POR: variants seen among roughly 807,000 people sequenced by gnomAD.
POR encodes NADPH--cytochrome P450 reductase.
Under a neutral mutation model 84.0 loss-of-function variants are expected in POR, and 56 were observed. That is an observed-to-expected ratio of 0.67 (90% CI 0.54 to 0.83). The LOEUF (loss-of-function observed/expected upper bound fraction) is 0.83, where lower values mean the gene tolerates loss of function less well. Ranked by LOEUF, POR falls within the 40% of genes least tolerant of loss-of-function variation. The probability of loss-of-function intolerance (pLI) is 0.00; values close to 1 mark genes in which losing one functional copy is unlikely to be tolerated. For synonymous variants in POR, 414 were observed against 400.5 expected, an observed-to-expected ratio of 1.03 and a Z score of -0.40; for missense variants, 938 against 944.3, an observed-to-expected ratio of 0.99 and a Z score of 0.09.
rs782248163 is a variant in POR, at chr7:75,985,766, C to A, written c.1586C>A (p.Thr529Lys). 2.2e-5 allele frequency: 34 copies of A among 1,578,936 alleles called. No individual in the cohort carries two copies. Among genetic ancestry groups the A allele is most frequent in the Non-Finnish European group, 2.7e-5 (32 of 1,163,656 alleles). ...TTCCGCCTGCCCTTCAAGGCCACCA[C>A]GCCTGTCATCATGGTGGGCCCCGGC... Residue 529 changes from threonine (T) to lysine (K), a missense_variant, in exon 13 of 16, where the codon ACG becomes AAG. Thr to Lys is a moderately conservative substitution (Grantham distance 78, BLOSUM62 -1). Transcript: ENST00000461988.
At chr7:75,958,090 A>G (rs782323316) in intron 2 of POR, among the ~76,000 whole-genome samples, 2 of 152,136 alleles carry the variant, frequency 1.3e-5, no homozygotes, top group African/African-American at 2.4e-5. Context: ...GGTGCATAGT[A>G]GGCTCTCAGG....
At position 75,979,558 on chromosome 7, in the gene POR, G is replaced by C; in HGVS notation, c.345G>C (p.Ala115=). The C allele has an allele frequency of 6.2e-7, 1 of 1,613,514 alleles. No homozygotes were observed. The highest frequency in any genetic ancestry group is 8.5e-7 in the Non-Finnish European group (1 of 1,179,830). The change falls in exon 4 of 16, where the codon GCG becomes GCC. Residue 115 remains alanine (A), a synonymous_variant. Coordinates refer to ENST00000461988, the MANE Select transcript of POR (RefSeq NM_000941.3). ...GCTACGGGATGCGAGGCATGTCAGC[G>C]GACCCTGAGGAGTATGACCTGGTAA...
At chr7:75,983,439 G>A (rs1789181761) in intron 8 of POR, 81 bp from the exon 9 acceptor site, 2 of 977,972 alleles carry the variant, frequency 2.0e-6, no homozygotes, top group African/African-American at 1.7e-5. Flanking sequence ...CCTGTGCTTT[G>A]TGCAACCAGA....
At position 75,975,461 on chromosome 7, in the gene POR, G is replaced by A. The variant is rs192663755; in HGVS notation, c.237+3000G>A. Among the ~76,000 whole-genome samples, 433 of 152,154 alleles carry A rather than the reference G, an allele frequency of 2.8e-3. 4 individuals are homozygous for A. Among genetic ancestry groups the A allele is most frequent in the African/African-American group, 9.8e-3 (408 of 41,492 alleles). On this transcript the variant is annotated intron_variant, in intron 3 of 15. Coordinates refer to ENST00000461988, the MANE Select transcript of POR (RefSeq NM_000941.3). Reference sequence around the variant, plus strand: ...TTGAGACCAGCCTGGGCAACATGGCGAAACCCCATCTCCACAAAAAATAGA... The same window carrying A: ...TTGAGACCAGCCTGGGCAACATGGCAAAACCCCATCTCCACAAAAAATAGA...
chr7:75,951,722 G>T (rs1488061061), intron 1 of POR, among the ~76,000 whole-genome samples: 1 of 152,218 alleles, frequency 6.6e-6, no homozygotes, highest in Non-Finnish European at 1.5e-5. Context: ...AACCCAGTCG[G>T]TCATATCCAT....
At chr7:75,982,027 A>G (rs1255969887) in intron 7 of POR, 197 bp from the exon 8 acceptor site, 11 of 593,810 alleles carry the variant, frequency 1.9e-5, no homozygotes, top group Non-Finnish European at 3.3e-5. Context: ...GGCCCCCGGC[A>G]GCTCCACGCC....
chr7:75,981,670 C>T, intron 7 of POR, 64 bp downstream of exon 7: 1 of 1,383,816 alleles, frequency 7.2e-7, no homozygotes, highest in Admixed American at 2.0e-5. Context: ...GGCAGCCACC[C>T]TGGAACAAGG....
At chr7:75,957,821 A>G (rs1554553971) in intron 2 of POR, among the ~76,000 whole-genome samples, 1 of 152,126 alleles carries the variant, frequency 6.6e-6, no homozygotes, top group East Asian at 1.9e-4. Flanking sequence ...ATCACACTGG[A>G]TGCCTGCTGC....
chr7:75,955,813 C>T (rs1295238766), intron 2 of POR, among the ~76,000 whole-genome samples: 3 of 152,204 alleles, frequency 2.0e-5, no homozygotes, highest in Non-Finnish European at 4.4e-5. Context: ...CAGGAACAAG[C>T]CACACAGAAA....
intron 1 of POR, among the ~76,000 whole-genome samples, chr7:75,923,614 C>T (rs1170294932): frequency 6.6e-6 from 1 of 152,120 alleles, no homozygotes; most frequent in Non-Finnish European, 1.5e-5. Flanking sequence ...CTGGCCGGGC[C>T]CGGTGGCTCA....
intron 2 of POR, among the ~76,000 whole-genome samples, chr7:75,966,270 G>T (rs1788178589): frequency 6.6e-6 from 1 of 152,124 alleles, no homozygotes; most frequent in African/African-American, 2.4e-5. Context: ...TCCAGCAGCT[G>T]CCCTCCCCAC....
intron 1 of POR, among the ~76,000 whole-genome samples, chr7:75,938,296 T>G (rs1807796185): frequency 6.6e-6 from 1 of 152,158 alleles, no homozygotes; most frequent in Non-Finnish European, 1.5e-5. Context: ...GCCCCGTGAC[T>G]GCATTGATAT....
At chr7:75,980,994 T>C in intron 5 of POR, 54 bp from the exon 6 acceptor site, 1 of 1,501,070 alleles carries the variant, frequency 6.7e-7, no homozygotes, top group Non-Finnish European at 8.9e-7. Flanking sequence ...CCATGGCCCC[T>C]CCCACTGGTC....
At chr7:75,963,562 C>A (rs917821734) in intron 2 of POR, among the ~76,000 whole-genome samples, 14 of 152,156 alleles carry the variant, frequency 9.2e-5, no homozygotes, top group Admixed American at 2.6e-4. Context: ...TTCACTGGGC[C>A]CTGTCGGGTG....
intron 1 of POR, among the ~76,000 whole-genome samples, chr7:75,925,234 G>A (rs550730303): frequency 3.8e-4 from 58 of 152,124 alleles, no homozygotes; most frequent in Non-Finnish European, 7.5e-4. Flanking sequence ...TCAGCTGGGC[G>A]CGATGGCTCA....
At chr7:75,985,546 G>GCT (rs782284792) in intron 12 of POR, 33 bp from the exon 13 acceptor site, 30 of 1,498,596 alleles carry the variant, frequency 2.0e-5, no homozygotes, top group Non-Finnish European at 2.7e-5. Context: ...GGGCCTCGGT[G>GCT]TGGCGGTGGA....
intron 1 of POR, among the ~76,000 whole-genome samples, chr7:75,944,489 C>T (rs984825180): frequency 6.6e-6 from 1 of 152,192 alleles, no homozygotes; most frequent in African/African-American, 2.4e-5. Flanking sequence ...ACTGAGATCA[C>T]ACAATTGCAC....
In POR at chr7:75,984,278, C is replaced by T. The variant is rs41301418; in HGVS notation, c.1066+422C>T. Among the ~76,000 whole-genome samples, 113 of 152,260 alleles carry T rather than the reference C, an allele frequency of 7.4e-4. 1 individual carries two copies. The East Asian group carries it at 0.017, about 23-fold the overall frequency. On this transcript the variant is annotated intron_variant, in intron 10 of 15. Coordinates refer to ENST00000461988, the MANE Select transcript of POR (RefSeq NM_000941.3). ...AAGGGTGCACAGTGGTGCCGAGTGG[C>T]AGTAGCCATTACGCGGGGCTGCCTG...
At chr7:75,964,269 G>T (rs1206422000) in intron 2 of POR, among the ~76,000 whole-genome samples, 1 of 152,024 alleles carries the variant, frequency 6.6e-6, no homozygotes, top group African/African-American at 2.4e-5. Context: ...CAAAGTGTTG[G>T]GATTACAGGC....
Sources: allele counts gnomAD v4.1 joint callset (sites outside exome capture counted in the v4.1 genomes callset), GRCh38; gene constraint gnomAD v4.1.1; transcripts MANE v1.5; gene names NCBI Gene and HGNC (gene_info 2026-07-23, HGNC 2026-07-21).